ATAD2B: variants seen among roughly 807,000 people sequenced by gnomAD.
ATAD2B encodes the protein ATPase family AAA domain containing 2B.
Under a neutral mutation model 167.6 loss-of-function variants are expected in ATAD2B, and 40 were observed. The ratio of observed to expected loss-of-function variants is 0.24; its 90% CI spans 0.19 to 0.31. The LOEUF is 0.31. Ranked by LOEUF, ATAD2B falls within the 10% of genes least tolerant of loss-of-function variation. The pLI is 1.00. For missense variants in ATAD2B, 1,242 were observed against 1,757.2 expected, an observed-to-expected ratio of 0.71 and a Z score of 5.24; for synonymous variants, 579 against 596.5, an observed-to-expected ratio of 0.97 and a Z score of 0.43.
At chr2:23,873,112 A>G (rs1041083271) in intron 8 of ATAD2B, 4 of 416,026 alleles carry the variant, frequency 9.6e-6, no homozygotes, top group African/African-American at 2.0e-5. Flanking sequence ...TGCAATTTTG[A>G]TATTTATCCT....
At chr2:23,734,496 G>A in the ATAD2B span, among the ~76,000 whole-genome samples, 489 of 152,268 alleles carry the variant, frequency 3.2e-3, 14 homozygotes, top group Non-Finnish European at 8.8e-4. Context: ...AGGTTTGACT[G>A]ACTCACAGTT....
chr2:23,736,107 G>C, the ATAD2B span, among the ~76,000 whole-genome samples: 1 of 152,186 alleles, frequency 6.6e-6, no homozygotes, highest in Non-Finnish European at 1.5e-5. Flanking sequence ...GAAAGTTTCA[G>C]GGTCAGTTCT....
At chr2:23,806,748 T>C (rs535458612) in intron 18 of ATAD2B, among the ~76,000 whole-genome samples, 4 of 152,320 alleles carry the variant, frequency 2.6e-5, no homozygotes, top group African/African-American at 7.2e-5. Flanking sequence ...AGCACGATTA[T>C]AACTAACTTT....
intron 19 of ATAD2B, among the ~76,000 whole-genome samples, chr2:23,789,906 C>T (rs1326506276): frequency 6.6e-6 from 1 of 152,064 alleles, no homozygotes; most frequent in African/African-American, 2.4e-5. Flanking sequence ...CTGTCAATGC[C>T]TTTTCCAGCT....
At chr2:23,877,852 T>C (rs553322421) in intron 7 of ATAD2B, among the ~76,000 whole-genome samples, 1 of 145,184 alleles carries the variant, frequency 6.9e-6, no homozygotes, top group South Asian at 2.2e-4. Context: ...AATGAGACTA[T>C]CTCAAAAAAA....
At position 23,848,878 on chromosome 2, in the gene ATAD2B, T is replaced by A. The variant is rs949872331; in HGVS notation, c.1568+8537A>T. On this transcript the variant is annotated intron_variant, in intron 13 of 27. Transcript: ENST00000238789. ...TCATTGTCTTGACTGTAGTTATGGC[T>A]TCACAAGTATATATGTATGTTAAAA... is the stretch of plus-strand genomic sequence containing the variant. Among the ~76,000 whole-genome samples the A allele has an allele frequency of 1.9e-4, 29 of 152,280 alleles. 1 individual carries two copies. Among genetic ancestry groups the A allele is most frequent in the Non-Finnish European group, 4.0e-4 (27 of 68,010 alleles).
At chr2:23,913,578 T>C (rs12992076) in intron 1 of ATAD2B, among the ~76,000 whole-genome samples, 9,348 of 147,652 alleles carry the variant, frequency 0.063, 416 homozygotes, top group Non-Finnish European at 0.096. Context: ...AGGTGGAGGC[T>C]GCAGTGAGCC....
At chr2:23,752,606 G>A (rs1160970785) in intron 27 of ATAD2B, among the ~76,000 whole-genome samples, 1 of 151,932 alleles carries the variant, frequency 6.6e-6, no homozygotes, top group Non-Finnish European at 1.5e-5. Flanking sequence ...GCACAGAGGG[G>A]ATAAATAATT....
intron 1 of ATAD2B, among the ~76,000 whole-genome samples, chr2:23,900,045 G>A (rs1432889327): frequency 2.8e-5 from 4 of 145,144 alleles, no homozygotes; most frequent in Non-Finnish European, 6.0e-5. Context: ...AGCCTCCCAA[G>A]TAGCTGGGAT....
chr2:23,873,998 C>T (rs1696399497), intron 8 of ATAD2B, among the ~76,000 whole-genome samples: 1 of 151,834 alleles, frequency 6.6e-6, no homozygotes, highest in Non-Finnish European at 1.5e-5. Flanking sequence ...ACCAGCCTGA[C>T]CAACATGGTG....
intron 7 of ATAD2B, among the ~76,000 whole-genome samples, chr2:23,876,589 T>C (rs916986847): frequency 2.6e-5 from 4 of 152,108 alleles, no homozygotes; most frequent in Admixed American, 1.3e-4. Flanking sequence ...CGTGAGCCAC[T>C]GTGCCCGGCC....
At chr2:23,876,580 G>A (rs1264159671) in intron 7 of ATAD2B, among the ~76,000 whole-genome samples, 3 of 152,102 alleles carry the variant, frequency 2.0e-5, no homozygotes, top group East Asian at 1.9e-4. Flanking sequence ...GATTACAGGC[G>A]TGAGCCACTG....
At chr2:23,799,857 A>C (rs1683208465) in intron 18 of ATAD2B, 1 of 152,086 alleles carries the variant, frequency 6.6e-6, no homozygotes, top group Non-Finnish European at 1.5e-5. Flanking sequence ...TCCCTTCCTT[A>C]ATATTTGCAT....
intron 1 of ATAD2B, among the ~76,000 whole-genome samples, chr2:23,925,773 T>C (rs979559490): frequency 5.3e-5 from 8 of 152,234 alleles, no homozygotes; most frequent in Non-Finnish European, 1.2e-4. Flanking sequence ...TTCATTCACC[T>C]TTTGTAATAT....
intron 22 of ATAD2B, among the ~76,000 whole-genome samples, chr2:23,770,787 G>A (rs1217316383): frequency 1.3e-5 from 2 of 152,146 alleles, no homozygotes; most frequent in Non-Finnish European, 2.9e-5. Context: ...TCTTCCAGCT[G>A]TTTTTATTTT....
At chr2:23,723,975 T>C in the ATAD2B span, among the ~76,000 whole-genome samples, 1 of 152,184 alleles carries the variant, frequency 6.6e-6, no homozygotes, top group South Asian at 2.1e-4. Context: ...TGCAGAAACA[T>C]GGATGGAATT....
At chr2:23,906,416 G>A (rs372590517) in intron 1 of ATAD2B, among the ~76,000 whole-genome samples, 2 of 152,034 alleles carry the variant, frequency 1.3e-5, no homozygotes, top group East Asian at 3.9e-4. Context: ...CATGCCAACC[G>A]GTTAAATATG....
Position 23,818,085 on chromosome 2 carries a change from C to T in ATAD2B, c.2267+1662G>A, listed in dbSNP as rs1207163916. 2.7e-5 allele frequency among the ~76,000 whole-genome samples: 3 copies of T among 113,136 alleles called. No individual in the cohort carries two copies. The East Asian group carries it at 7.8e-4, about 29-fold the overall frequency. 74.2% of individuals were successfully genotyped at this position (113,136 alleles called of 152,430 possible). On this transcript the variant is annotated intron_variant, in intron 17 of 27. Coordinates refer to ENST00000238789, the MANE Select transcript of ATAD2B (RefSeq NM_017552.4). Reference sequence around the variant, plus strand: ...ACTGTCAAACACACATAAACACACACACACACACATTACACACACACACAC... The same window carrying T: ...ACTGTCAAACACACATAAACACACATACACACACATTACACACACACACAC...
At chr2:23,715,588 A>C in the ATAD2B span, among the ~76,000 whole-genome samples, 1 of 152,082 alleles carries the variant, frequency 6.6e-6, no homozygotes, top group Non-Finnish European at 1.5e-5. Flanking sequence ...AAAAAAAATC[A>C]TATTAAAGCA....
Sources: allele counts gnomAD v4.1 joint callset (sites outside exome capture counted in the v4.1 genomes callset), GRCh38; gene constraint gnomAD v4.1.1; transcripts MANE v1.5; gene names NCBI Gene and HGNC (gene_info 2026-07-23, HGNC 2026-07-21).